Variants in CERS6 observed in about 807,000 individuals in gnomAD.
CERS6 encodes LAG1 homolog, ceramide synthase 6.
Under a neutral mutation model 56.8 loss-of-function variants are expected in CERS6, and 26 were observed. That is an observed-to-expected ratio of 0.46 (90% CI 0.34 to 0.63). The LOEUF (loss-of-function observed/expected upper bound fraction) is 0.63, where lower values mean the gene tolerates loss of function less well. CERS6 is among the 30% of genes least tolerant of loss of function. CERS6 has a pLI of 0.01. For synonymous variants in CERS6, 164 were observed against 173.3 expected, an observed-to-expected ratio of 0.95 and a Z score of 0.42; for missense variants, 415 against 467.5, an observed-to-expected ratio of 0.89 and a Z score of 1.04.
At chr2:168,632,730 T>A (rs1342153860) in intron 4 of CERS6, among the ~76,000 whole-genome samples, 2 of 152,130 alleles carry the variant, frequency 1.3e-5, no homozygotes. Flanking sequence ...AGGAAACAGC[T>A]TTGGATGGAA....
intron 8 of CERS6, among the ~76,000 whole-genome samples, chr2:168,748,722 C>G (rs1252052677): frequency 6.6e-6 from 1 of 151,842 alleles, no homozygotes; most frequent in South Asian, 2.1e-4. Context: ...GCTTTCAGAT[C>G]TCAGGCTCTG....
intron 1 of CERS6, among the ~76,000 whole-genome samples, chr2:168,502,360 G>T (rs187620949): frequency 2.3e-4 from 35 of 152,258 alleles, no homozygotes; most frequent in Admixed American, 7.8e-4. Context: ...GACATCTTCA[G>T]ATAAGGAAGA....
rs191200232 is a variant in CERS6 at position 168,456,811 on chromosome 2, C to T, written c.170+193C>T. ...GGGAGCCAGAAAGGGTCTGGCTTGCCACGGATTTCCTCCCGGGCGCCGGGG... is the reference window on the plus strand; with the variant it reads ...GGGAGCCAGAAAGGGTCTGGCTTGCTACGGATTTCCTCCCGGGCGCCGGGG... On this transcript the variant is annotated intron_variant, in intron 1 of 9. Transcript: ENST00000305747. The surrounding 1 kb of genome is among the most constrained non-coding windows in gnomAD (Gnocchi z 4.1). 6.6e-6 allele frequency among the ~76,000 whole-genome samples: 1 copy of T among 152,196 alleles called. No individual in the cohort carries two copies. The highest frequency in any genetic ancestry group is 1.9e-4 in the East Asian group (1 of 5,170).
At chr2:168,737,817 A>G (rs1328637690) in intron 8 of CERS6, among the ~76,000 whole-genome samples, 2 of 152,238 alleles carry the variant, frequency 1.3e-5, no homozygotes, top group Middle Eastern at 3.2e-3. Context: ...TGAGCTATGT[A>G]TTGGGAAATA....
At chr2:168,642,804 A>G (rs6433083) in intron 4 of CERS6, among the ~76,000 whole-genome samples, 47,283 of 152,092 alleles carry the variant, frequency 0.31, 8,994 homozygotes, top group African/African-American at 0.52. Flanking sequence ...ATAATGACTT[A>G]CATACTAGAG....
intron 8 of CERS6, among the ~76,000 whole-genome samples, chr2:168,757,219 G>T (rs1224073680): frequency 6.6e-6 from 1 of 152,120 alleles, no homozygotes; most frequent in Non-Finnish European, 1.5e-5. Context: ...TTGGAATCAG[G>T]ATACATCCCG....
intron 2 of CERS6, among the ~76,000 whole-genome samples, chr2:168,554,852 T>A (rs1407864281): frequency 6.6e-6 from 1 of 152,212 alleles, no homozygotes; most frequent in Non-Finnish European, 1.5e-5. Flanking sequence ...AAGAATTGAC[T>A]TTTTATTGTC....
At chr2:168,531,560 G>A (rs951921857) in intron 1 of CERS6, among the ~76,000 whole-genome samples, 2 of 152,116 alleles carry the variant, frequency 1.3e-5, no homozygotes, top group African/African-American at 4.8e-5. Context: ...GGTGGCTCAC[G>A]TCTGTAATCC....
intron 1 of CERS6, among the ~76,000 whole-genome samples, chr2:168,475,927 A>G (rs1166887662): frequency 1.3e-5 from 2 of 152,210 alleles, no homozygotes; most frequent in Non-Finnish European, 2.9e-5. Context: ...TCTCACATGC[A>G]AGTCCGGGCT....
chr2:168,747,821 A>G (rs1384625287), intron 8 of CERS6, among the ~76,000 whole-genome samples: 2 of 109,636 alleles, frequency 1.8e-5, no homozygotes, highest in Non-Finnish European at 1.8e-5. Context: ...AGCACTTCCT[A>G]CACACGCTCA....
At chr2:168,621,327 C>A (rs535938754) in intron 3 of CERS6, among the ~76,000 whole-genome samples, 3 of 152,262 alleles carry the variant, frequency 2.0e-5, no homozygotes, top group African/African-American at 7.2e-5. Flanking sequence ...CACAATAGAT[C>A]AATATTTTAT....
At chr2:168,544,758 A>G (rs1000235692) in intron 1 of CERS6, among the ~76,000 whole-genome samples, 5 of 151,324 alleles carry the variant, frequency 3.3e-5, no homozygotes, top group Admixed American at 1.3e-4. Context: ...AACTGTGGCA[A>G]AATACCAGAC....
At chr2:168,763,129 G>GC (rs1200422413) in intron 8 of CERS6, among the ~76,000 whole-genome samples, 1 of 151,926 alleles carries the variant, frequency 6.6e-6, no homozygotes, top group Non-Finnish European at 1.5e-5. Flanking sequence ...TCCTACCTCA[G>GC]CCCCCCCAAA....
chr2:168,685,761 A>G lies in CERS6; in HGVS notation c.466-5273A>G, dbSNP rs185809151. On this transcript the variant is annotated intron_variant, in intron 4 of 9. Transcript: ENST00000305747. ...GCCAGGATCAGGTTTGCTCAGGGTA[A>G]GAACAGCCACAGATGCCTCCCAAGG... Among the ~76,000 whole-genome samples the G allele has an allele frequency of 9.7e-3, 1,478 of 152,144 alleles. 12 individuals carry two copies. The highest frequency in any genetic ancestry group is 0.014 in the Non-Finnish European group (951 of 68,002).
intron 8 of CERS6, among the ~76,000 whole-genome samples, chr2:168,742,927 A>G (rs183251456): frequency 2.6e-5 from 4 of 152,320 alleles, no homozygotes; most frequent in Admixed American, 1.3e-4. Flanking sequence ...CAGCATCGCT[A>G]AACAGTAGAA....
At chr2:168,673,331 G>A (rs1470366633) in intron 4 of CERS6, among the ~76,000 whole-genome samples, 1 of 152,144 alleles carries the variant, frequency 6.6e-6, no homozygotes, top group Non-Finnish European at 1.5e-5. Flanking sequence ...ATAATGCCCT[G>A]ATTGTGTTTA....
rs1010885148 is a variant in CERS6, at chr2:168,772,000, T to C, written c.*2338T>C. 6.6e-6 allele frequency: 1 copy of C among 152,214 alleles called. No individual in the cohort carries two copies. Among genetic ancestry groups the C allele is most frequent in the Admixed American group, 6.5e-5 (1 of 15,278 alleles). The allele number at this position is 152,214 out of a possible 1,614,324, so 9.4% of individuals were successfully genotyped here. Reference sequence around the variant, plus strand: ...CATTTTACATTTTAGGGCACAGTTCTTTGGGGCTAATTAAAATGGGGTTTG... The same window carrying C: ...CATTTTACATTTTAGGGCACAGTTCCTTGGGGCTAATTAAAATGGGGTTTG... On this transcript the variant is annotated 3_prime_UTR_variant, in exon 10 of 10. Transcript: ENST00000305747.
chr2:168,755,283 C>T (rs1574223069), intron 8 of CERS6, among the ~76,000 whole-genome samples: 1 of 152,190 alleles, frequency 6.6e-6, no homozygotes. Context: ...AACATGAAGT[C>T]TTTGAACATC....
rs533262297 is a variant in CERS6, at chr2:168,536,027, G to A, written c.171-11569G>A. On this transcript the variant is annotated intron_variant, in intron 1 of 9. Transcript: ENST00000305747. ...TAAAAATGTGAAAATCTAGGATGTA[G>A]AAGAGTCTGGAAATTTTCATCTTCA... Among the ~76,000 whole-genome samples the A allele has an allele frequency of 1.4e-4, 22 of 152,176 alleles. 1 individual carries two copies. The East Asian group carries it at 4.1e-3, about 28-fold the overall frequency.
Sources: allele counts gnomAD v4.1 joint callset (sites outside exome capture counted in the v4.1 genomes callset), GRCh38; gene constraint gnomAD v4.1.1; non-coding constraint Gnocchi (gnomAD v3.1); transcripts MANE v1.5; gene names NCBI Gene and HGNC (gene_info 2026-07-23, HGNC 2026-07-21).